The following PTPRE variants were observed in gnomAD, a reference collection of about 807,000 sequenced individuals.
The protein encoded by PTPRE is protein tyrosine phosphatase receptor type E.
PTPRE carries 51 observed loss-of-function variants against 102.0 expected under a neutral mutation model. The ratio of observed to expected loss-of-function variants is 0.50; its 90% CI spans 0.40 to 0.63. The LOEUF (loss-of-function observed/expected upper bound fraction) is 0.63, where lower values mean the gene tolerates loss of function less well. Ranked by LOEUF, PTPRE falls within the 30% of genes least tolerant of loss-of-function variation. The pLI, the probability that PTPRE is intolerant of heterozygous loss-of-function variation, is 0.00. For synonymous variants in PTPRE, 345 were observed against 348.2 expected (o/e 0.99, Z 0.10); for missense variants, 752 against 915.1 (o/e 0.82, Z 2.30).
rs768643606 is a variant in PTPRE at position 128,070,384 on chromosome 10, G to A, written c.1227G>A (p.Lys409=). 3.1e-6 allele frequency: 5 copies of A among 1,614,072 alleles called. No homozygotes were observed. The African/African-American group carries it at 4.0e-5, about 13-fold the overall frequency. The stretch of plus-strand genomic sequence containing the variant: ...AGCTGGACGTGTCCTCCCTGGAGAA[G>A]CACCTGCAGACCATGCACGGCACCA... ...DTELDVSSLE[K]HLQTMHGTTT... is the part of the protein sequence containing the mutation. The change falls in exon 14 of 21, where the codon AAG becomes AAA. Residue 409 remains lysine, a synonymous_variant. Coordinates refer to ENST00000254667, the MANE Select transcript of PTPRE (RefSeq NM_006504.6). This position sits in a 1 kb window ranked among gnomAD's most constrained non-coding sequence, Gnocchi z 4.8.
chr10:128,006,300 C>T (rs1217898140), intron 2 of PTPRE, among the ~76,000 whole-genome samples: 1 of 152,166 alleles, frequency 6.6e-6, no homozygotes, highest in Non-Finnish European at 1.5e-5. Flanking sequence ...CCATCAGGGT[C>T]CCTGGGTATT....
intron 2 of PTPRE, among the ~76,000 whole-genome samples, chr10:128,030,938 C>T (rs976395153): frequency 2.0e-5 from 3 of 152,198 alleles, no homozygotes; most frequent in Non-Finnish European, 4.4e-5. Context: ...CGTGTGCTTC[C>T]CCCGCCTAAC....
intron 2 of PTPRE, among the ~76,000 whole-genome samples, chr10:128,033,367 C>T (rs924245054): frequency 6.6e-6 from 1 of 152,174 alleles, no homozygotes; most frequent in African/African-American, 2.4e-5. Context: ...CACTTTCAAG[C>T]AGGAATTTTC....
chr10:128,065,757 T>G (rs1349791380), intron 10 of PTPRE, among the ~76,000 whole-genome samples: 1 of 152,202 alleles, frequency 6.6e-6, no homozygotes, highest in Non-Finnish European at 1.5e-5. Context: ...CTCTGAAGGC[T>G]ACAGGCTCAG....
chr10:128,076,487 T>TC (rs1851218929), intron 17 of PTPRE, 116 bp from the exon 18 acceptor site: 2 of 1,076,200 alleles, frequency 1.9e-6, no homozygotes, highest in South Asian at 1.7e-5. Context: ...TATGTTTTTT[T>TC]TTTTGGTCAG....
chr10:128,069,652 A>G, intron 12 of PTPRE, 40 bp from the exon 13 acceptor site: 1 of 1,611,252 alleles, frequency 6.2e-7, no homozygotes, highest in Non-Finnish European at 8.5e-7. Context: ...CTTCGGGAGG[A>G]GTGTGACTCA....
intron 2 of PTPRE, among the ~76,000 whole-genome samples, chr10:127,984,078 CTTTTTTT>C (rs58130253): frequency 8.0e-6 from 1 of 125,386 alleles, no homozygotes; most frequent in East Asian, 2.3e-4. Context: ...TTCTTTCTTT[CTTTTTTT>C]TTTTTTTTTT....
intron 1 of PTPRE, 47 bp from the exon 2 acceptor site, chr10:127,982,227 T>C (rs1234640133): frequency 3.5e-5 from 42 of 1,191,070 alleles, no homozygotes; most frequent in Non-Finnish European, 4.4e-5. Flanking sequence ...AGCAGCCAAC[T>C]CCTGTTAACC....
intron 1 of PTPRE, among the ~76,000 whole-genome samples, chr10:127,925,484 T>G (rs986558164): frequency 6.6e-6 from 1 of 152,168 alleles, no homozygotes; most frequent in Non-Finnish European, 1.5e-5. Context: ...AAAGGGAGCT[T>G]GGCAGACGGC....
intron 2 of PTPRE, 80 bp from the exon 3 acceptor site, chr10:128,040,795 C>T (rs1218566380): frequency 1.0e-5 from 11 of 1,088,960 alleles, no homozygotes; most frequent in Non-Finnish European, 1.5e-5. Flanking sequence ...TGGCTCTTCT[C>T]CTCATCATCA....
At chr10:127,999,784 G>A (rs1668513274) in intron 2 of PTPRE, 16 of 985,268 alleles carry the variant, frequency 1.6e-5, no homozygotes, top group Non-Finnish European at 1.9e-5. Context: ...TGTGAGTGCC[G>A]GCAGCCGCGA....
Position 128,070,681 on chromosome 10 carries a change from GC to G in PTPRE, c.1294-126del. On this transcript the variant is annotated intron_variant, in intron 14 of 20. Transcript: ENST00000254667. The surrounding 1 kb of genome is among the most constrained non-coding windows in gnomAD (Gnocchi z 4.8). ...ATTTGTATTTCCCAATGCTAAGGAGGCTTCCTGGGTTGGAGAGTGGTTTCCT... is the reference window on the plus strand; with the variant it reads ...ATTTGTATTTCCCAATGCTAAGGAGGTTCCTGGGTTGGAGAGTGGTTTCCT... 1 of 1,199,890 alleles carries G rather than the reference GC, an allele frequency of 8.3e-7. No individual in the cohort carries two copies. Among genetic ancestry groups the G allele is most frequent in the Non-Finnish European group, 1.2e-6 (1 of 854,484 alleles). 74.3% of individuals were successfully genotyped at this position (1,199,890 alleles called of 1,614,324 possible).
chr10:128,068,946 T>G (rs1382213298), intron 12 of PTPRE: 1 of 152,464 alleles, frequency 6.6e-6, no homozygotes, highest in Admixed American at 6.5e-5. Flanking sequence ...GTGATTGGCC[T>G]CACCAGGGTA....
At chr10:127,998,563 C>G (rs1410936531) in intron 2 of PTPRE, 1 of 152,184 alleles carries the variant, frequency 6.6e-6, no homozygotes, top group Admixed American at 6.5e-5. Context: ...GCTCTGTAAA[C>G]AGTACTTCGC....
At chr10:128,046,641 A>G (rs1848114380) in intron 3 of PTPRE, among the ~76,000 whole-genome samples, 1 of 151,808 alleles carries the variant, frequency 6.6e-6, no homozygotes. Context: ...GCGGGGGAGG[A>G]GCAGGAACAA....
At chr10:127,945,987 G>T (rs1434042164) in intron 1 of PTPRE, among the ~76,000 whole-genome samples, 1 of 152,056 alleles carries the variant, frequency 6.6e-6, no homozygotes, top group African/African-American at 2.4e-5. Context: ...AGCTCTCTGT[G>T]GGTCTCTGAG....
At chr10:128,067,002 G>C (rs921238446) in intron 11 of PTPRE, among the ~76,000 whole-genome samples, 3 of 124,248 alleles carry the variant, frequency 2.4e-5, no homozygotes, top group Admixed American at 8.0e-5. Context: ...GCACACACAC[G>C]TACACCTACC....
intron 3 of PTPRE, among the ~76,000 whole-genome samples, chr10:128,041,311 A>G (rs1215225296): frequency 6.6e-6 from 1 of 152,102 alleles, no homozygotes; most frequent in Non-Finnish European, 1.5e-5. Context: ...CCAACCATGA[A>G]CATACATGGA....
chr10:127,946,747 G>A (rs1848648628), intron 1 of PTPRE, among the ~76,000 whole-genome samples: 1 of 152,192 alleles, frequency 6.6e-6, no homozygotes, highest in African/African-American at 2.4e-5. Flanking sequence ...AAAGAAACAA[G>A]GAATCACAGG....
Sources: gnomAD v4.1 joint callset for allele counts (sites outside exome capture counted in the v4.1 genomes callset) on GRCh38, gnomAD v4.1.1 for gene constraint, Gnocchi (gnomAD v3.1) non-coding constraint, MANE v1.5 for transcripts, NCBI Gene and HGNC (gene_info 2026-07-23, HGNC 2026-07-21) for gene names.